The following ZNF626 variants were observed in gnomAD, a reference collection of about 807,000 sequenced individuals.
ZNF626 encodes the protein zinc finger protein 626.
Under a neutral mutation model 11.7 loss-of-function variants are expected in ZNF626, and 4 were observed. The observed-to-expected ratio is 0.34, with a 90% CI of 0.17 to 0.78. The LOEUF (loss-of-function observed/expected upper bound fraction) is 0.78, where lower values mean the gene tolerates loss of function less well. Among genes scored for constraint, ZNF626 ranks in the 30% least tolerant of loss-of-function variants. ZNF626 has a pLI of 0.57. For missense variants in ZNF626, 588 were observed against 587.1 expected (o/e 1.00, Z -0.01); for synonymous variants, 179 against 198.6 (o/e 0.90, Z 0.83).
rs1280147554 is a variant in ZNF626, at chr19:20,645,068, T to C, written c.226+616A>G. 3.2e-5 allele frequency: 7 copies of C among 216,086 alleles called. No individual in the cohort carries two copies. The East Asian group carries it at 8.8e-4, about 27-fold the overall frequency. 13.4% of individuals were successfully genotyped at this position (216,086 alleles called of 1,614,324 possible). A position where few individuals can be genotyped will look rare whatever the true frequency, so the allele number is the denominator to read the frequency against. ...AATAAACTTCCTATTAAAATTGCAG[T>C]GGTACTATTTTCACAATAATGGAAA... On this transcript the variant is annotated intron_variant, in intron 3 of 3. Coordinates refer to ENST00000601440, the MANE Select transcript of ZNF626 (RefSeq NM_001076675.3).
chr19:20,624,834 T>C lies in ZNF626; in HGVS notation c.1043A>G (p.Lys348Arg), dbSNP rs781810729. 7 of 1,613,870 alleles carry C rather than the reference T, an allele frequency of 4.3e-6. No homozygotes were observed. The Admixed American group carries it at 1.2e-4, about 27-fold the overall frequency. ...AAGGGTAGAGGAGTACTTAAAGGCTTTGCCACATTCTTCACATTTGTAGGG... is the reference window on the plus strand; with the variant it reads ...AAGGGTAGAGGAGTACTTAAAGGCTCTGCCACATTCTTCACATTTGTAGGG... ...DKPYKCEECG[K>R]AFKYSSTLTT... is the part of the protein sequence containing the mutation. Residue 348 changes from lysine to arginine, a missense_variant, in exon 4 of 4, where the codon AAA becomes AGA. Lys to Arg is a conservative substitution (Grantham distance 26, BLOSUM62 2). This residue lies in a region of ZNF626 where 524 missense variants were observed against 470.1 expected (regional missense o/e 1.11). Transcript: ENST00000601440.
intron 1 of ZNF626, among the ~76,000 whole-genome samples, chr19:20,656,062 GAAGA>G (rs1236679755): frequency 6.6e-6 from 1 of 152,130 alleles, no homozygotes; most frequent in Non-Finnish European, 1.5e-5. Flanking sequence ...GGAAAAACCA[GAAGA>G]GAGAAAGATA....
In ZNF626 at chr19:20,625,425, A is replaced by C. The variant is rs782392119; in HGVS notation, c.452T>G (p.Val151Gly). Reference sequence around the variant, plus strand: ...ATTTGGAAATTGATGAAGGACTTTCACATATTTATCACATTGACATATTTT... The same window carrying C: ...ATTTGGAAATTGATGAAGGACTTTCCCATATTTATCACATTGACATATTTT... ...PRKICQCDKY[V>G]KVLHQFPNSN... The change falls in exon 4 of 4, where the codon GTG becomes GGG. Residue 151 changes from valine to glycine, a missense_variant. By Grantham distance (109) the Val-to-Gly change is moderately radical. This residue lies in a region of ZNF626 where 524 missense variants were observed against 470.1 expected (regional missense o/e 1.11). Coordinates refer to ENST00000601440, the MANE Select transcript of ZNF626 (RefSeq NM_001076675.3). 5 of 1,614,092 alleles carry C rather than the reference A, an allele frequency of 3.1e-6. No individual in the cohort carries two copies. The East Asian group carries it at 1.1e-4, about 36-fold the overall frequency.
chr19:20,645,146 AATC>A, intron 3 of ZNF626: 1 of 804,980 alleles, frequency 1.2e-6, no homozygotes, highest in Non-Finnish European at 1.6e-6. Context: ...TAGCCAAAGC[AATC>A]ATGAGGAAAA....
At chr19:20,658,025 A>T (rs891789382) in intron 1 of ZNF626, among the ~76,000 whole-genome samples, 1 of 152,126 alleles carries the variant, frequency 6.6e-6, no homozygotes, top group East Asian at 1.9e-4. Context: ...TGACAAAATA[A>T]TCTGCACTTC....
At chr19:20,643,119 A>C (rs1555771636) in intron 3 of ZNF626, among the ~76,000 whole-genome samples, 1 of 152,150 alleles carries the variant, frequency 6.6e-6, no homozygotes, top group Non-Finnish European at 1.5e-5. Context: ...GTAGCAGTAA[A>C]ATTTTGAGAA....
chr19:20,661,356 C>T lies in ZNF626; in HGVS notation c.3+88G>A, dbSNP rs573752477. ...GGGGAGCAGACTGTGGAGCTGACTG[C>T]GGGGAGGCCTGAGTCCCGCCACAGC... On this transcript the variant is annotated intron_variant, in intron 1 of 3. Transcript: ENST00000601440. The T allele has an allele frequency of 1.2e-5, 18 of 1,542,794 alleles. No individual in the cohort carries two copies. The South Asian group carries it at 1.6e-4, about 13-fold the overall frequency.
chr19:20,637,035 A>AAAAAC lies in ZNF626; in HGVS notation c.226+8648_226+8649insGTTTT, dbSNP rs1246767022. On this transcript the variant is annotated intron_variant, in intron 3 of 3. Coordinates refer to ENST00000601440, the MANE Select transcript of ZNF626 (RefSeq NM_001076675.3). ...CTCCATCTCAAAAAAAAAAAAAAAA[A>AAAAAC]AAAGGCCCAGTGCAATGGTGCCCAC... is the stretch of plus-strand genomic sequence containing the variant. Among the ~76,000 whole-genome samples, 4 of 151,364 alleles carry AAAAAC rather than the reference A, an allele frequency of 2.6e-5. 1 individual carries two copies. The highest frequency in any genetic ancestry group is 9.7e-5 in the African/African-American group (4 of 41,212).
At chr19:20,627,288 G>A (rs1969847798) in intron 3 of ZNF626, among the ~76,000 whole-genome samples, 3 of 151,236 alleles carry the variant, frequency 2.0e-5, no homozygotes, top group South Asian at 2.1e-4. Context: ...TAGATAAGAA[G>A]AGAATTTTAG....
intron 3 of ZNF626, among the ~76,000 whole-genome samples, chr19:20,628,071 T>C (rs9304974): frequency 0.45 from 67,917 of 151,510 alleles, 16,449 homozygotes; most frequent in African/African-American, 0.64. Context: ...AGAATGATGG[T>C]TTCCAGTTTC....
intron 3 of ZNF626, among the ~76,000 whole-genome samples, chr19:20,629,947 A>C (rs569581868): frequency 2.0e-5 from 3 of 152,102 alleles, no homozygotes; most frequent in Non-Finnish European, 4.4e-5. Flanking sequence ...TTTTGAGATA[A>C]GACCCATCAA....
Position 20,645,671 on chromosome 19 carries a change from C to G in ZNF626, c.226+13G>C. The G allele has an allele frequency of 6.2e-7, 1 of 1,605,016 alleles. No individual in the cohort carries two copies. Among genetic ancestry groups the G allele is most frequent in the Non-Finnish European group, 8.5e-7 (1 of 1,177,804 alleles). ...CTGTGTCATCTGTTGTATTCATTTTCACTCACACCTACCTGAGGGTTTGGC... is the reference window on the plus strand; with the variant it reads ...CTGTGTCATCTGTTGTATTCATTTTGACTCACACCTACCTGAGGGTTTGGC... On this transcript the variant is annotated intron_variant, in intron 3 of 3. Transcript: ENST00000601440.
At chr19:20,637,587 A>G (rs2144776474) in intron 3 of ZNF626, among the ~76,000 whole-genome samples, 1 of 152,218 alleles carries the variant, frequency 6.6e-6, no homozygotes, top group Non-Finnish European at 1.5e-5. Flanking sequence ...TTTTTGTATT[A>G]AATTGAAGTT....
chr19:20,632,580 C>T (rs1019229411), intron 3 of ZNF626, among the ~76,000 whole-genome samples: 28 of 152,192 alleles, frequency 1.8e-4, no homozygotes, highest in African/African-American at 6.3e-4. Context: ...TTGATCGCAT[C>T]GGCTACAGAG....
At chr19:20,645,912 T>C in intron 2 of ZNF626, 133 bp from the exon 3 acceptor site, 1 of 660,930 alleles carries the variant, frequency 1.5e-6, no homozygotes, top group Non-Finnish European at 2.3e-6. Flanking sequence ...GTAACAGAAA[T>C]TTTTAAATAA....
chr19:20,638,733 T>C (rs996357576), intron 3 of ZNF626, among the ~76,000 whole-genome samples: 36 of 152,086 alleles, frequency 2.4e-4, no homozygotes, highest in African/African-American at 8.7e-4. Flanking sequence ...ATAATATTTA[T>C]CTTTCTATAT....
chr19:20,634,333 C>G (rs1302114043), intron 3 of ZNF626, among the ~76,000 whole-genome samples: 2 of 152,118 alleles, frequency 1.3e-5, no homozygotes, highest in Admixed American at 1.3e-4. Context: ...GAGAACACTC[C>G]TCGACAACAT....
In ZNF626 at chr19:20,638,137, A is replaced by G. The variant is rs182099577; in HGVS notation, c.226+7547T>C. On this transcript the variant is annotated intron_variant, in intron 3 of 3. Coordinates refer to ENST00000601440, the MANE Select transcript of ZNF626 (RefSeq NM_001076675.3). ...GAGTGAGGCCCTATTTCAAAAATAAATGAGGCCAGGCGTGGTGGCTCATGC... is the reference window on the plus strand; with the variant it reads ...GAGTGAGGCCCTATTTCAAAAATAAGTGAGGCCAGGCGTGGTGGCTCATGC... Among the ~76,000 whole-genome samples the G allele has an allele frequency of 5.0e-3, 754 of 152,096 alleles. 11 individuals carry two copies. Among genetic ancestry groups the G allele is most frequent in the Admixed American group, 0.018 (274 of 15,276 alleles).
At chr19:20,658,559 A>G (rs1193888304) in intron 1 of ZNF626, among the ~76,000 whole-genome samples, 2 of 152,036 alleles carry the variant, frequency 1.3e-5, no homozygotes, top group Non-Finnish European at 2.9e-5. Context: ...AGAAGACCTT[A>G]AATCACAGGA....
Sources: allele counts gnomAD v4.1 joint callset (sites outside exome capture counted in the v4.1 genomes callset), GRCh38; gene constraint gnomAD v4.1.1; regional missense constraint gnomAD v4.1.1; transcripts MANE v1.5; gene names NCBI Gene and HGNC (gene_info 2026-07-23, HGNC 2026-07-21).